PLXNA4: variants seen among roughly 807,000 people sequenced by gnomAD.
The protein encoded by PLXNA4 is plexin A4.
In PLXNA4, 44 loss-of-function variants were observed where a neutral mutation model predicts 191.8. The observed-to-expected ratio is 0.23, with a 90% CI of 0.18 to 0.29. The LOEUF is 0.29. Among genes scored for constraint, PLXNA4 ranks in the 10% least tolerant of loss-of-function variants. The pLI is 1.00. For missense variants in PLXNA4, 1,800 were observed against 2,488.8 expected (o/e 0.72, Z 5.89); for synonymous variants, 1,082 against 1,009.5 (o/e 1.07, Z -1.36).
intron 3 of PLXNA4, among the ~76,000 whole-genome samples, chr7:132,465,494 T>C (rs1287738614): frequency 1.3e-5 from 2 of 152,212 alleles, no homozygotes; most frequent in Non-Finnish European, 2.9e-5. Flanking sequence ...GGTCCTTGGA[T>C]TGGAGTGAAG....
rs774495733 is a variant in PLXNA4 at position 132,489,266 on chromosome 7, C to T, written c.1371+26G>A. 6 of 1,559,644 alleles carry T rather than the reference C, an allele frequency of 3.8e-6. No individual in the cohort carries two copies. In the East Asian group the frequency reaches 6.9e-5, roughly 18 times the overall value. ...GAGGGACAGACTGTCTTCACAGTAACCAAAAGTACTGCACCTCATTCCTAC... is the reference window on the plus strand; with the variant it reads ...GAGGGACAGACTGTCTTCACAGTAATCAAAAGTACTGCACCTCATTCCTAC... On this transcript the variant is annotated intron_variant, in intron 3 of 31. Coordinates refer to ENST00000321063, the MANE Select transcript of PLXNA4 (RefSeq NM_020911.2).
intron 3 of PLXNA4, among the ~76,000 whole-genome samples, chr7:132,365,364 T>TGCGTGCGC (rs144384812): frequency 0.017 from 2,431 of 147,280 alleles, 74 homozygotes; most frequent in African/African-American, 0.049. Context: ...TGTGTGTGCG[T>TGCGTGCGC]GCGCGCGCAT....
intron 1 of PLXNA4, among the ~76,000 whole-genome samples, chr7:132,543,561 C>A (rs921691388): frequency 1.3e-5 from 2 of 152,176 alleles, no homozygotes; most frequent in African/African-American, 4.8e-5. Context: ...ATTGAATTAG[C>A]TAGTCTGCCT....
At chr7:132,346,170 C>T (rs999582137) in intron 3 of PLXNA4, among the ~76,000 whole-genome samples, 1 of 152,202 alleles carries the variant, frequency 6.6e-6, no homozygotes, top group Non-Finnish European at 1.5e-5. Context: ...TGACTTTGGG[C>T]ACTTGTTTGA....
At chr7:132,596,123 A>G (rs762057306) in intron 2 of PLXNA4, among the ~76,000 whole-genome samples, 1 of 152,056 alleles carries the variant, frequency 6.6e-6, no homozygotes, top group Non-Finnish European at 1.5e-5. Context: ...CAGTCCTCCA[A>G]CTTTTTTCTT....
chr7:132,625,966 G>A (rs756775008), intron 2 of PLXNA4, among the ~76,000 whole-genome samples: 5 of 152,176 alleles, frequency 3.3e-5, no homozygotes, highest in Non-Finnish European at 7.3e-5. Flanking sequence ...AAAGATCTGA[G>A]TAGTCTGAAA....
chr7:132,525,277 G>A (rs759198187), intron 1 of PLXNA4, among the ~76,000 whole-genome samples: 23 of 151,940 alleles, frequency 1.5e-4, no homozygotes, highest in Non-Finnish European at 2.5e-4. Flanking sequence ...TGAGAGACTC[G>A]GTCTCGCTGT....
chr7:132,295,735 A>G (rs12674450), intron 4 of PLXNA4, among the ~76,000 whole-genome samples: 27,732 of 151,872 alleles, frequency 0.18, 3,151 homozygotes, highest in South Asian at 0.43. Flanking sequence ...CTAGAATCTC[A>G]ATACCAGCCC....
chr7:132,230,427 G>A (rs1436132358), intron 5 of PLXNA4, among the ~76,000 whole-genome samples: 3 of 152,194 alleles, frequency 2.0e-5, no homozygotes, highest in Admixed American at 6.5e-5. Flanking sequence ...CTGGCACTGG[G>A]AAGCACTTTG....
chr7:132,612,837 G>A (rs542338493), intron 2 of PLXNA4, among the ~76,000 whole-genome samples: 3 of 152,076 alleles, frequency 2.0e-5, no homozygotes, highest in South Asian at 2.1e-4. Flanking sequence ...TCTAGGCATC[G>A]CCCAATGTCT....
At chr7:132,350,536 G>A (rs1392103583) in intron 3 of PLXNA4, among the ~76,000 whole-genome samples, 7 of 152,056 alleles carry the variant, frequency 4.6e-5, no homozygotes, top group Non-Finnish European at 7.4e-5. Context: ...AAAAATAAAA[G>A]AATACATTAA....
intron 3 of PLXNA4, among the ~76,000 whole-genome samples, chr7:132,488,388 C>A (rs1212742320): frequency 6.6e-6 from 1 of 152,234 alleles, no homozygotes; most frequent in Non-Finnish European, 1.5e-5. Flanking sequence ...AAGGCTTAGT[C>A]TCAATCTTTA....
At chr7:132,361,041 T>C (rs1029477965) in intron 3 of PLXNA4, among the ~76,000 whole-genome samples, 1 of 152,212 alleles carries the variant, frequency 6.6e-6, no homozygotes, top group African/African-American at 2.4e-5. Context: ...TGCTTGAAGA[T>C]ACTGGCCTTA....
chr7:132,133,706 G>A (rs1027801659), intron 30 of PLXNA4, among the ~76,000 whole-genome samples: 2 of 152,210 alleles, frequency 1.3e-5, no homozygotes, highest in Admixed American at 1.3e-4. Flanking sequence ...ATCAGTCACT[G>A]TCACTTGCAG....
chr7:132,646,546 T>C (rs1803873692), intron 1 of PLXNA4, among the ~76,000 whole-genome samples: 2 of 152,062 alleles, frequency 1.3e-5, no homozygotes, highest in Non-Finnish European at 1.5e-5. Flanking sequence ...ACCAGAGTGC[T>C]CTCTCTGCCC....
chr7:132,198,987 A>G (rs1203869726), intron 12 of PLXNA4, among the ~76,000 whole-genome samples: 2 of 152,134 alleles, frequency 1.3e-5, no homozygotes, highest in Non-Finnish European at 2.9e-5. Context: ...ACTCTCAAGG[A>G]AAATAAAAAC....
intron 3 of PLXNA4, among the ~76,000 whole-genome samples, chr7:132,439,255 AAC>A (rs536703762): frequency 7.6e-4 from 115 of 152,300 alleles, no homozygotes; most frequent in Middle Eastern, 3.4e-3. Flanking sequence ...TGGGCTCTGC[AAC>A]CATAGAGTCC....
rs144420777 is a variant in PLXNA4, at chr7:132,483,042, C to T, written c.1371+6250G>A. Among the ~76,000 whole-genome samples, 456 of 152,244 alleles carry T rather than the reference C, an allele frequency of 3.0e-3. 2 individuals carry two copies. The highest frequency in any genetic ancestry group is 0.011 in the African/African-American group (441 of 41,532). ...TGGATGCTTCTATGAGAAGCCAGAACTGCTGCGAAAAGCAGCACCATGACA... is the reference window on the plus strand; with the variant it reads ...TGGATGCTTCTATGAGAAGCCAGAATTGCTGCGAAAAGCAGCACCATGACA... On this transcript the variant is annotated intron_variant, in intron 3 of 31. Transcript: ENST00000321063.
At chr7:132,501,715 T>G (rs1798264938) in intron 2 of PLXNA4, among the ~76,000 whole-genome samples, 2 of 152,188 alleles carry the variant, frequency 1.3e-5, no homozygotes, top group Non-Finnish European at 2.9e-5. Flanking sequence ...AGGTGCCATC[T>G]CCGAGAGAGT....
Sources: allele counts gnomAD v4.1 joint callset (sites outside exome capture counted in the v4.1 genomes callset), GRCh38; gene constraint gnomAD v4.1.1; transcripts MANE v1.5; gene names NCBI Gene and HGNC (gene_info 2026-07-23, HGNC 2026-07-21).